Variants in SESTD1 observed in about 807,000 individuals in gnomAD.
The protein encoded by SESTD1 is SEC14 domain and spectrin repeat-containing protein 1.
In SESTD1, 43 loss-of-function variants were observed where a neutral mutation model predicts 101.7. The observed-to-expected ratio is 0.42, with a 90% CI of 0.33 to 0.55. SESTD1 has a LOEUF of 0.55. Among genes scored for constraint, SESTD1 ranks in the 20% least tolerant of loss-of-function variants. The pLI, the probability that SESTD1 is intolerant of heterozygous loss-of-function variation, is 0.07. For missense variants in SESTD1, 647 were observed against 815.1 expected (o/e 0.79, Z 2.51); for synonymous variants, 283 against 286.8 (o/e 0.99, Z 0.13).
intron 15 of SESTD1, among the ~76,000 whole-genome samples, chr2:179,115,531 T>G (rs1291787119): frequency 6.6e-6 from 1 of 151,922 alleles, no homozygotes; most frequent in Non-Finnish European, 1.5e-5. Context: ...GTGGATTGCT[T>G]GAAGTTAGGA....
At chr2:179,110,679 A>G (rs2044487530) in intron 17 of SESTD1, among the ~76,000 whole-genome samples, 1 of 152,204 alleles carries the variant, frequency 6.6e-6, no homozygotes, top group South Asian at 2.1e-4. Context: ...CAGAGAGACC[A>G]TCAATCTCTT....
chr2:179,191,763 T>G (rs376947185), intron 2 of SESTD1, 24 bp downstream of exon 2: 1 of 1,600,844 alleles, frequency 6.2e-7, no homozygotes, highest in Non-Finnish European at 8.5e-7. Flanking sequence ...ATCAAACACT[T>G]CAAATTTTAA....
In SESTD1 at chr2:179,141,506, A is replaced by AT. The variant is rs377655746; in HGVS notation, c.849+2085dup. 3.5e-3 allele frequency among the ~76,000 whole-genome samples: 514 copies of AT among 146,548 alleles called. 1 individual carries two copies. Among genetic ancestry groups the AT allele is most frequent in the African/African-American group, 8.1e-3 (325 of 40,172 alleles). ...AGGACAATGTCATACTATTGTAGAC[A>AT]TTTTTTTTTTTTTGAATGGATGAAC... is the stretch of plus-strand genomic sequence containing the variant. On this transcript the variant is annotated intron_variant, in intron 9 of 17. Transcript: ENST00000428443.
intron 9 of SESTD1, among the ~76,000 whole-genome samples, chr2:179,140,077 T>C (rs779481382): frequency 2.6e-5 from 4 of 152,216 alleles, no homozygotes; most frequent in Non-Finnish European, 4.4e-5. Context: ...GTCCACCTTG[T>C]TGGGAACTCG....
rs2044536481 is a variant in SESTD1, at chr2:179,112,715, GC to G, written c.1961+8del. The G allele has an allele frequency of 6.2e-7, 1 of 1,601,978 alleles. No homozygotes were observed. ...ATAAAAAATAAAATTATAAGAACAT[GC>G]CCCATACCCATCAGGATAAACTACT... On this transcript the variant is annotated splice_region_variant and intron_variant, in intron 17 of 17. Coordinates refer to ENST00000428443, the MANE Select transcript of SESTD1 (RefSeq NM_178123.5).
intron 17 of SESTD1, among the ~76,000 whole-genome samples, chr2:179,112,285 T>C (rs1467662006): frequency 6.6e-6 from 1 of 152,226 alleles, no homozygotes; most frequent in Non-Finnish European, 1.5e-5. Context: ...GTTTCTTCAT[T>C]TGTAAATCAG....
In SESTD1 at chr2:179,172,154, C is replaced by G; in HGVS notation, c.335G>C (p.Cys112Ser). The change falls in exon 5 of 18, where the codon TGT (cysteine) becomes TCT (serine). Residue 112 changes from cysteine (C) to serine (S), a missense_variant. By Grantham distance (112) the Cys-to-Ser change is moderately radical. Coordinates refer to ENST00000428443, the MANE Select transcript of SESTD1 (RefSeq NM_178123.5). ...EFWDKKVTHF[C>S]FWKEKDRLGF... is the part of the protein sequence containing the mutation. ...AAGTCTATCCTTCTCCTTCCAAAAA[C>G]AAAAATGCGTTACTTTCTTATCCCA... The G allele has an allele frequency of 6.2e-7, 1 of 1,609,940 alleles. No individual in the cohort carries two copies. Among genetic ancestry groups the G allele is most frequent in the Non-Finnish European group, 8.5e-7 (1 of 1,177,440 alleles).
intron 14 of SESTD1, among the ~76,000 whole-genome samples, chr2:179,117,077 A>T (rs1284061114): frequency 5.3e-5 from 8 of 152,210 alleles, no homozygotes; most frequent in African/African-American, 1.4e-4. Context: ...ATCCATCAGG[A>T]TTGCATTACA....
chr2:179,151,725 T>A (rs2045534670), intron 5 of SESTD1, among the ~76,000 whole-genome samples: 1 of 152,266 alleles, frequency 6.6e-6, no homozygotes, highest in East Asian at 1.9e-4. Context: ...AATTTTCACA[T>A]CATCTTAAAA....
At chr2:179,224,648 T>C (rs2046859047) in intron 1 of SESTD1, among the ~76,000 whole-genome samples, 1 of 152,086 alleles carries the variant, frequency 6.6e-6, no homozygotes, top group Non-Finnish European at 1.5e-5. Context: ...CCACTAACTC[T>C]GAGAAGGAAA....
intron 1 of SESTD1, among the ~76,000 whole-genome samples, chr2:179,197,626 C>G (rs2046423630): frequency 6.6e-6 from 1 of 152,240 alleles, no homozygotes; most frequent in Admixed American, 6.5e-5. Flanking sequence ...AGAAACTCTA[C>G]AAGCCAGAAG....
At position 179,107,284 on chromosome 2, in the gene SESTD1, AGAT is replaced by A. The variant is rs1343286454; in HGVS notation, c.*2612_*2614del. ...CATATGAAAGCAGCAGCAAATTTAC[AGAT>A]GAGGAGCAATGATATTCATTATGTT... On this transcript the variant is annotated 3_prime_UTR_variant, in exon 18 of 18. Coordinates refer to ENST00000428443, the MANE Select transcript of SESTD1 (RefSeq NM_178123.5). 2.0e-5 allele frequency: 3 copies of A among 152,208 alleles called. No individual in the cohort carries two copies. Among genetic ancestry groups the A allele is most frequent in the African/African-American group, 7.2e-5 (3 of 41,458 alleles). 9.4% of individuals were successfully genotyped at this position (152,208 alleles called of 1,614,324 possible).
chr2:179,194,671 G>C (rs1231639771), intron 1 of SESTD1, among the ~76,000 whole-genome samples: 7 of 152,206 alleles, frequency 4.6e-5, no homozygotes, highest in Non-Finnish European at 7.4e-5. Flanking sequence ...GACCACAGAA[G>C]GAAATATCAT....
chr2:179,229,777 T>TATATATA (rs2046952876), intron 1 of SESTD1, among the ~76,000 whole-genome samples: 1 of 63,626 alleles, frequency 1.6e-5, no homozygotes, highest in African/African-American at 7.9e-5. Flanking sequence ...ATATATATAC[T>TATATATA]CAAATACACA....
At chr2:179,195,580 G>T (rs1559139012) in intron 1 of SESTD1, among the ~76,000 whole-genome samples, 1 of 152,160 alleles carries the variant, frequency 6.6e-6, no homozygotes, top group Non-Finnish European at 1.5e-5. Flanking sequence ...ATTCAAACAA[G>T]CCCTAGCAAG....
intron 1 of SESTD1, among the ~76,000 whole-genome samples, chr2:179,206,837 C>G (rs1466568381): frequency 7.5e-6 from 1 of 133,890 alleles, no homozygotes; most frequent in Non-Finnish European, 1.6e-5. Flanking sequence ...CTCTGGCTGT[C>G]TGGATACAAA....
Position 179,188,474 on chromosome 2 carries a change from C to T in SESTD1, c.55+3313G>A, listed in dbSNP as rs574150058. ...GCAACACAGCAAAACCCCATCTTTA[C>T]AAAAAATACAAAAATTGGCTGAGTA... On this transcript the variant is annotated intron_variant, in intron 2 of 17. Transcript: ENST00000428443. Among the ~76,000 whole-genome samples, 171 of 152,188 alleles carry T rather than the reference C, an allele frequency of 1.1e-3. 1 individual carries two copies. The highest frequency in any genetic ancestry group is 4.0e-3 in the African/African-American group (168 of 41,534).
At chr2:179,177,938 G>T (rs1279619377) in intron 3 of SESTD1, among the ~76,000 whole-genome samples, 1 of 152,124 alleles carries the variant, frequency 6.6e-6, no homozygotes, top group Non-Finnish European at 1.5e-5. Context: ...AGTAAAACAC[G>T]CCAGACACAA....
chr2:179,114,148 C>T (rs928328259), intron 16 of SESTD1, among the ~76,000 whole-genome samples: 7 of 151,610 alleles, frequency 4.6e-5, no homozygotes, highest in Non-Finnish European at 8.9e-5. Flanking sequence ...AAACAAGTTA[C>T]ACTATTTTGT....
Sources: gnomAD v4.1 joint callset for allele counts (sites outside exome capture counted in the v4.1 genomes callset) on GRCh38, gnomAD v4.1.1 for gene constraint, MANE v1.5 for transcripts, NCBI Gene and HGNC (gene_info 2026-07-23, HGNC 2026-07-21) for gene names.